Variants in ECE1 observed in about 807,000 individuals in gnomAD.
ECE1 encodes endothelin-converting enzyme 1.
In ECE1, 35 loss-of-function variants were observed where a neutral mutation model predicts 98.6. The observed-to-expected ratio is 0.35, with a 90% CI of 0.27 to 0.47. The LOEUF is 0.47. Ranked by LOEUF, ECE1 falls within the 20% of genes least tolerant of loss-of-function variation. The probability of loss-of-function intolerance (pLI) is 1.00; values close to 1 mark genes in which losing one functional copy is unlikely to be tolerated. For missense variants in ECE1, 814 were observed against 1,025.3 expected, an observed-to-expected ratio of 0.79 and a Z score of 2.81; for synonymous variants, 394 against 407.1, an observed-to-expected ratio of 0.97 and a Z score of 0.39.
chr1:21,227,026 A>G, intron 16 of ECE1, 133 bp downstream of exon 16: 1 of 770,042 alleles, frequency 1.3e-6, no homozygotes, highest in East Asian at 3.1e-5. Context: ...GCACAGCCTA[A>G]TTTTTTTTTT....
At chr1:21,259,117 T>C (rs2098223668) in intron 5 of ECE1, among the ~76,000 whole-genome samples, 1 of 152,202 alleles carries the variant, frequency 6.6e-6, no homozygotes, top group African/African-American at 2.4e-5. Flanking sequence ...AAAGAGACTT[T>C]TCCCGGTTCA....
intron 1 of ECE1, among the ~76,000 whole-genome samples, chr1:21,343,761 A>C (rs1639446303): frequency 6.6e-6 from 1 of 152,188 alleles, no homozygotes; most frequent in Non-Finnish European, 1.5e-5. Context: ...GGGCTTCTTC[A>C]GTTGTAAGGA....
At chr1:21,339,856 C>G (rs1017801158) in intron 1 of ECE1, among the ~76,000 whole-genome samples, 4 of 152,202 alleles carry the variant, frequency 2.6e-5, no homozygotes, top group Admixed American at 2.6e-4. Flanking sequence ...CCAAGACAGG[C>G]CTGGGGCATC....
At chr1:21,337,676 G>T (rs1042502217) in intron 1 of ECE1, among the ~76,000 whole-genome samples, 2 of 152,206 alleles carry the variant, frequency 1.3e-5, no homozygotes, top group African/African-American at 4.8e-5. Context: ...CCAGCCCTCA[G>T]CTGGGCTACT....
intron 13 of ECE1, among the ~76,000 whole-genome samples, chr1:21,234,201 T>C (rs1467464838): frequency 6.6e-6 from 1 of 151,848 alleles, no homozygotes; most frequent in African/African-American, 2.4e-5. Flanking sequence ...TTGGCCAGGC[T>C]GGTTTCAAAC....
chr1:21,237,695 A>G (rs1231955658), intron 11 of ECE1, among the ~76,000 whole-genome samples: 1 of 152,210 alleles, frequency 6.6e-6, no homozygotes, highest in African/African-American at 2.4e-5. Context: ...CCACCCGACC[A>G]GCGGTGAGGC....
At chr1:21,277,769 A>G (rs552923390) in intron 3 of ECE1, among the ~76,000 whole-genome samples, 6 of 152,246 alleles carry the variant, frequency 3.9e-5, no homozygotes, top group Admixed American at 3.3e-4. Context: ...GTCATTAATT[A>G]GTCAAATATG....
chr1:21,240,093 C>A (rs192884837), intron 10 of ECE1, among the ~76,000 whole-genome samples: 3 of 152,152 alleles, frequency 2.0e-5, no homozygotes, highest in Non-Finnish European at 4.4e-5. Context: ...ATAGCTGTAA[C>A]CTGGGAGGCG....
chr1:21,235,728 A>G lies in ECE1; in HGVS notation c.1566+122T>C. On this transcript the variant is annotated intron_variant, in intron 13 of 18. Transcript: ENST00000374893. This position sits in a 1 kb window ranked among gnomAD's most constrained non-coding sequence, Gnocchi z 4.2. ...GACCCATACCCAAGCCCCACACCAC[A>G]TCATCCCTGTGTGTTTTGACAACCA... 2 of 1,049,416 alleles carry G rather than the reference A, an allele frequency of 1.9e-6. No homozygotes were observed. Among genetic ancestry groups the G allele is most frequent in the East Asian group, 2.4e-5 (1 of 42,228 alleles). 65.0% of individuals were successfully genotyped at this position (1,049,416 alleles called of 1,614,324 possible).
chr1:21,272,051 G>A (rs779359731), intron 4 of ECE1, among the ~76,000 whole-genome samples: 8 of 151,948 alleles, frequency 5.3e-5, no homozygotes, highest in African/African-American at 9.7e-5. Flanking sequence ...CAAAAGTAAC[G>A]ACCACAGCCA....
At chr1:21,238,477 T>G (rs3026894) in intron 10 of ECE1, 1 of 587,350 alleles carries the variant, frequency 1.7e-6, no homozygotes, top group African/African-American at 1.9e-5. Flanking sequence ...TCACAAATAG[T>G]GTCCCGTTGA....
intron 14 of ECE1, among the ~76,000 whole-genome samples, chr1:21,229,203 C>T (rs111811965): frequency 2.0e-5 from 3 of 151,088 alleles, no homozygotes; most frequent in Non-Finnish European, 2.9e-5. Flanking sequence ...TCTTTTTAAG[C>T]GACAAGATCT....
intron 1 of ECE1, among the ~76,000 whole-genome samples, chr1:21,339,964 T>C (rs531792015): frequency 6.6e-6 from 1 of 152,314 alleles, no homozygotes; most frequent in Non-Finnish European, 1.5e-5. Context: ...CACTGGTTGT[T>C]CATTAAACTG....
chr1:21,254,827 A>C (rs914518590), intron 8 of ECE1, among the ~76,000 whole-genome samples: 24 of 152,320 alleles, frequency 1.6e-4, no homozygotes, highest in African/African-American at 5.1e-4. Flanking sequence ...AAGGGCAGCC[A>C]GCACCAGCAG....
intron 1 of ECE1, among the ~76,000 whole-genome samples, chr1:21,316,602 A>G (rs1322108946): frequency 6.6e-6 from 1 of 151,860 alleles, no homozygotes; most frequent in African/African-American, 2.4e-5. Context: ...TACATAACAC[A>G]CATACTTCTT....
At position 21,220,267 on chromosome 1, in the gene ECE1, G is replaced by C. The variant is rs913500119; in HGVS notation, c.2137-136C>G. 7.1e-6 allele frequency: 7 copies of C among 979,182 alleles called. No homozygotes were observed. In the African/African-American group the frequency reaches 1.2e-4, roughly 16 times the overall value. The allele number at this position is 979,182 out of a possible 1,614,324, so 60.7% of individuals were successfully genotyped here. ...TCCCAGCACTTTGGGAGCCAAGGTG[G>C]AAGGGCTGCTTGAGCCCAGGAGTTC... On this transcript the variant is annotated intron_variant, in intron 18 of 18. Transcript: ENST00000374893. This position sits in a 1 kb window ranked among gnomAD's most constrained non-coding sequence, Gnocchi z 5.0.
chr1:21,279,254 C>T lies in ECE1; in HGVS notation c.217G>A (p.Val73Met), dbSNP rs1553364718. 3 of 1,614,240 alleles carry T rather than the reference C, an allele frequency of 1.9e-6. No individual in the cohort carries two copies. Among genetic ancestry groups the T allele is most frequent in the East Asian group, 4.5e-5 (2 of 44,892 alleles). Reference protein sequence around the residue: ...TQVEKRLVVLVVLLAAGLVAC... With the variant: ...TQVEKRLVVLMVLLAAGLVAC... ...ACCAGTCCTGCCGCCAGAAGTACCACCAACACCACCAGCCGCTTCTCCACC... is the reference window on the plus strand; with the variant it reads ...ACCAGTCCTGCCGCCAGAAGTACCATCAACACCACCAGCCGCTTCTCCACC... Residue 73 changes from valine (V) to methionine (M), a missense_variant, in exon 3 of 19, where the codon GTG (valine) becomes ATG (methionine). Coordinates refer to ENST00000374893, the MANE Select transcript of ECE1 (RefSeq NM_001397.3).
In ECE1 at chr1:21,279,171, T is replaced by G. The variant is rs1269907765; in HGVS notation, c.280+20A>C. ...GTGCAGGAGTGAGTCAAGCCCACCA[T>G]GCAACACGAAGGCACCTACTTGTCT... On this transcript the variant is annotated intron_variant, in intron 3 of 18. Coordinates refer to ENST00000374893, the MANE Select transcript of ECE1 (RefSeq NM_001397.3). 3.1e-6 allele frequency: 5 copies of G among 1,614,066 alleles called. No individual in the cohort carries two copies. The highest frequency in any genetic ancestry group is 4.2e-6 in the Non-Finnish European group (5 of 1,180,018).
intron 2 of ECE1, among the ~76,000 whole-genome samples, chr1:21,285,128 G>A (rs1456218661): frequency 6.6e-6 from 1 of 152,162 alleles, no homozygotes; most frequent in African/African-American, 2.4e-5. Flanking sequence ...AGCCTTGTCT[G>A]CTACCCCACC....
Sources: allele counts gnomAD v4.1 joint callset (sites outside exome capture counted in the v4.1 genomes callset), GRCh38; gene constraint gnomAD v4.1.1; non-coding constraint Gnocchi (gnomAD v3.1); transcripts MANE v1.5; gene names NCBI Gene and HGNC (gene_info 2026-07-23, HGNC 2026-07-21).